CEP350: variants seen among roughly 807,000 people sequenced by gnomAD.
CEP350 encodes centrosomal protein 350.
CEP350 carries 126 observed loss-of-function variants against 331.8 expected under a neutral mutation model. That is an observed-to-expected ratio of 0.38 (90% CI 0.33 to 0.44). The LOEUF (loss-of-function observed/expected upper bound fraction) is 0.44. CEP350 is among the 20% of genes least tolerant of loss of function. CEP350 has a pLI of 1.00. For synonymous variants in CEP350, 1,200 were observed against 1,259.5 expected (o/e 0.95, Z 1.00); for missense variants, 3,406 against 3,634.6 (o/e 0.94, Z 1.62).
chr1:180,008,446 G>GCTA (rs1558095949), intron 8 of CEP350, among the ~76,000 whole-genome samples: 1 of 151,114 alleles, frequency 6.6e-6, no homozygotes, highest in East Asian at 2.0e-4. Context: ...AGACTCAACT[G>GCTA]TTAGCTATGA....
chr1:180,009,880 T>G (rs1654512518), intron 8 of CEP350, among the ~76,000 whole-genome samples: 3 of 152,194 alleles, frequency 2.0e-5, no homozygotes, highest in Non-Finnish European at 4.4e-5. Context: ...TTTATTAAAA[T>G]GATACTTCCG....
chr1:180,103,134 A>T (rs145289084), intron 37 of CEP350, among the ~76,000 whole-genome samples: 247 of 152,338 alleles, frequency 1.6e-3, no homozygotes, highest in African/African-American at 5.5e-3. Flanking sequence ...TGTGATGTTT[A>T]CTGGTGTGTG....
In CEP350 at chr1:179,977,598, C is replaced by G. The variant is rs905816890; in HGVS notation, c.-13-8571C>G. On this transcript the variant is annotated intron_variant, in intron 1 of 37. Transcript: ENST00000367607. ...AAGCTATTTGCAGATAATTGAAGAT[C>G]ATTTGAATTTAGACCCTGGCAGACA... Among the ~76,000 whole-genome samples the G allele has an allele frequency of 3.9e-5, 6 of 152,064 alleles. No homozygotes were observed. In the East Asian group the frequency reaches 1.2e-3, roughly 29 times the overall value.
chr1:179,956,259 T>C (rs1171576358), intron 1 of CEP350, among the ~76,000 whole-genome samples: 2 of 152,232 alleles, frequency 1.3e-5, no homozygotes, highest in Non-Finnish European at 2.9e-5. Flanking sequence ...CTGAATCATT[T>C]GAACTGTCAG....
At chr1:180,012,407 A>G (rs576608234) in intron 9 of CEP350, among the ~76,000 whole-genome samples, 13 of 152,352 alleles carry the variant, frequency 8.5e-5, no homozygotes, top group African/African-American at 2.6e-4. Flanking sequence ...AACATATTCA[A>G]GCAAACACGG....
rs772463321 is a variant in CEP350 at position 180,075,092 on chromosome 1, C to T, written c.5638C>T (p.Arg1880Ter). The change falls in exon 28 of 38, where the codon CGA becomes TGA. Residue 1880 changes from arginine (R) to a stop codon, truncating the protein, a stop_gained. Transcript: ENST00000367607. LOFTEE classifies it high-confidence loss of function. The stretch of plus-strand genomic sequence containing the variant: ...TGCAGAGGAGCTCCTAGAGTGGAAG[C>T]GACGTTTAGATGCAGAAGAAGCAGA... ...QHAEELLEWK[R>*]RLDAEEAEIR... 3 of 1,613,146 alleles carry T rather than the reference C, an allele frequency of 1.9e-6. No individual in the cohort carries two copies. Among genetic ancestry groups the T allele is most frequent in the Admixed American group, 1.7e-5 (1 of 59,892 alleles).
Position 180,020,976 on chromosome 1 carries a change from A to G in CEP350, c.3202A>G (p.Ile1068Val), listed in dbSNP as rs1475299453. 6.4e-7 allele frequency: 1 copy of G among 1,565,436 alleles called. No homozygotes were observed. The highest frequency in any genetic ancestry group is 8.6e-7 in the Non-Finnish European group (1 of 1,162,460). ...GGGAAGTCCACATAGCGTCATTAAT[A>G]TTTTTACAAAATCCTATCAGTTATA... is the stretch of plus-strand genomic sequence containing the variant. ...AKGSPHSVIN[I>V]FTKSYQLYGK... The change falls in exon 12 of 38, where the codon ATT becomes GTT. Residue 1068 changes from isoleucine to valine, a missense_variant. Ile to Val is a conservative substitution (Grantham distance 29). Transcript: ENST00000367607.
At chr1:180,083,924 T>A (rs1659710529) in intron 30 of CEP350, 94 bp from the exon 31 acceptor site, 2 of 549,756 alleles carry the variant, frequency 3.6e-6, no homozygotes. Flanking sequence ...TTTATTTAAA[T>A]GGAATATTAC....
At position 180,022,837 on chromosome 1, in the gene CEP350, T is replaced by C. The variant is rs1655416154; in HGVS notation, c.3375T>C (p.Thr1125=). Residue 1125 remains threonine, a synonymous_variant, in exon 13 of 38, where the codon ACT becomes ACC. Coordinates refer to ENST00000367607, the MANE Select transcript of CEP350 (RefSeq NM_014810.5). The part of the protein sequence containing the change: ...GTGTSTEKKS[T]LEPHSTLSPQ... ...GGACTTCGACAGAAAAAAAATCAACTCTTGAACCTCAGTAAGATATATTGG... is the reference window on the plus strand; with the variant it reads ...GGACTTCGACAGAAAAAAAATCAACCCTTGAACCTCAGTAAGATATATTGG... 6.3e-7 allele frequency: 1 copy of C among 1,582,210 alleles called. No homozygotes were observed. The highest frequency in any genetic ancestry group is 8.6e-7 in the Non-Finnish European group (1 of 1,162,484).
chr1:179,992,231 G>T lies in CEP350; in HGVS notation c.395+10G>T, dbSNP rs1249669309. 1 of 1,443,106 alleles carries T rather than the reference G, an allele frequency of 6.9e-7. No individual in the cohort carries two copies. The highest frequency in any genetic ancestry group is 1.5e-5 in the South Asian group (1 of 65,900). The allele number at this position is 1,443,106 out of a possible 1,614,324, so 89.4% of individuals were successfully genotyped here. On this transcript the variant is annotated intron_variant, in intron 5 of 37. Coordinates refer to ENST00000367607, the MANE Select transcript of CEP350 (RefSeq NM_014810.5). ...CTTTGGTTTCTTATAGGTTAGTATT[G>T]AGAAAAAAAAAAGGTATCAAATAGG...
chr1:180,033,865 C>T lies in CEP350; in HGVS notation c.3729C>T (p.Val1243=). 3 of 1,613,376 alleles carry T rather than the reference C, an allele frequency of 1.9e-6. No homozygotes were observed. Among genetic ancestry groups the T allele is most frequent in the African/African-American group, 2.7e-5 (2 of 74,974 alleles). Residue 1243 remains valine (V), a synonymous_variant, in exon 16 of 38, where the codon GTC becomes GTT. Coordinates refer to ENST00000367607, the MANE Select transcript of CEP350 (RefSeq NM_014810.5). The part of the protein sequence containing the change: ...LEDLSGHSVS[V]SSDKGRSQKT... ...TTTTGTGGATCAAAACTTCTAGTGT[C>T]TCATCAGATAAGGGAAGATCTCAGA...
intron 1 of CEP350, among the ~76,000 whole-genome samples, chr1:179,979,083 G>A (rs1291047592): frequency 6.6e-6 from 1 of 152,118 alleles, no homozygotes; most frequent in Non-Finnish European, 1.5e-5. Context: ...GGATAAATAT[G>A]CAGTAGTGGG....
intron 10 of CEP350, among the ~76,000 whole-genome samples, chr1:180,015,623 G>A (rs1654925990): frequency 6.6e-6 from 1 of 152,088 alleles, no homozygotes; most frequent in African/African-American, 2.4e-5. Flanking sequence ...CTCCCACTTT[G>A]ACCTCTCAAA....
chr1:180,007,565 T>C (rs1654341053), intron 8 of CEP350, among the ~76,000 whole-genome samples: 1 of 152,218 alleles, frequency 6.6e-6, no homozygotes. Flanking sequence ...GCCTGTTCAC[T>C]TTGGTGATAG....
Position 180,014,129 on chromosome 1 carries a change from C to T in CEP350, c.1676C>T (p.Pro559Leu). ...VELQNQKSSA[P>L]VHAPRSHSPV... ...TTACAGAACCAGAAGTCATCAGCAC[C>T]AGTACATGCTCCTAGGAGTCACAGC... is the stretch of plus-strand genomic sequence containing the variant. The change falls in exon 10 of 38, where the codon CCA becomes CTA. Residue 559 changes from proline to leucine, a missense_variant. Physicochemically the swap from Pro to Leu is moderately conservative, Grantham distance 98. Coordinates refer to ENST00000367607, the MANE Select transcript of CEP350 (RefSeq NM_014810.5). 1 of 1,610,124 alleles carries T rather than the reference C, an allele frequency of 6.2e-7. No homozygotes were observed. Among genetic ancestry groups the T allele is most frequent in the Non-Finnish European group, 8.5e-7 (1 of 1,178,098 alleles).
intron 7 of CEP350, 46 bp from the exon 8 acceptor site, chr1:180,006,408 A>G: frequency 1.1e-6 from 1 of 940,230 alleles, no homozygotes; most frequent in Admixed American, 2.0e-5. Context: ...TAAGTGAGGG[A>G]ATGAAAATCA....
chr1:180,074,513 C>A (rs1207089583), intron 27 of CEP350, among the ~76,000 whole-genome samples: 1 of 152,084 alleles, frequency 6.6e-6, no homozygotes, highest in Non-Finnish European at 1.5e-5. Flanking sequence ...TGAAACAAAG[C>A]CAGGCAGAAA....
In CEP350 at chr1:180,111,079, G is replaced by T. The variant is rs199601505; in HGVS notation, c.9272G>T (p.Gly3091Val). Residue 3091 changes from glycine (G) to valine (V), a missense_variant, in exon 38 of 38, where the codon GGG becomes GTG. Gly to Val is a moderately radical substitution (Grantham distance 109, BLOSUM62 -3). Coordinates refer to ENST00000367607, the MANE Select transcript of CEP350 (RefSeq NM_014810.5). Reference sequence around the variant, plus strand: ...TGTGTGAAAATGCAGCTAGCCGACGGGATCTTTGAGACCCTGATCAAAGAT... The same window carrying T: ...TGTGTGAAAATGCAGCTAGCCGACGTGATCTTTGAGACCCTGATCAAAGAT... ...ELCVKMQLAD[G>V]IFETLIKDTI... is the part of the protein sequence containing the mutation. 6.2e-7 allele frequency: 1 copy of T among 1,613,978 alleles called. No homozygotes were observed. The highest frequency in any genetic ancestry group is 2.2e-5 in the East Asian group (1 of 44,882).
chr1:180,069,424 G>A, intron 27 of CEP350, among the ~76,000 whole-genome samples: 1 of 152,102 alleles, frequency 6.6e-6, no homozygotes, highest in East Asian at 1.9e-4. Context: ...TCCATTAAAG[G>A]AGATATTTTA....
Sources: allele counts gnomAD v4.1 joint callset (sites outside exome capture counted in the v4.1 genomes callset), GRCh38; gene constraint gnomAD v4.1.1; transcripts MANE v1.5; gene names NCBI Gene and HGNC (gene_info 2026-07-23, HGNC 2026-07-21).